The following ARHGAP18 variants were observed in gnomAD, a reference collection of about 807,000 sequenced individuals.
The protein encoded by ARHGAP18 is Rho GTPase activating protein 18, also known as rho GTPase-activating protein 18.
A neutral mutation model predicts 86.2 loss-of-function variants in ARHGAP18; 67 were observed. That is an observed-to-expected ratio of 0.78 (90% confidence interval 0.64 to 0.95). The LOEUF (loss-of-function observed/expected upper bound fraction) is 0.95, where lower values mean the gene tolerates loss of function less well. Among genes scored for constraint, ARHGAP18 ranks in the 40% least tolerant of loss-of-function variants. The pLI, the probability that ARHGAP18 is intolerant of heterozygous loss-of-function variation, is 0.00. For synonymous variants in ARHGAP18, 283 were observed against 280.4 expected, an observed-to-expected ratio of 1.01 and a Z score of -0.09; for missense variants, 691 against 780.4, an observed-to-expected ratio of 0.89 and a Z score of 1.37.
chr6:129,701,543 G>A (rs1366838716), intron 1 of ARHGAP18, among the ~76,000 whole-genome samples: 1 of 152,196 alleles, frequency 6.6e-6, no homozygotes, highest in Non-Finnish European at 1.5e-5. Context: ...AGGCTGAGGT[G>A]GGCAGATCGT....
In ARHGAP18 at chr6:129,577,694, G is replaced by A. The variant is rs1788206528; in HGVS notation, c.*819C>T. On this transcript the variant is annotated 3_prime_UTR_variant, in exon 15 of 15. Coordinates refer to ENST00000368149, the MANE Select transcript of ARHGAP18 (RefSeq NM_033515.3). Reference sequence around the variant, plus strand: ...AATGACAACACGTAAAGCCAGCTATGACTTTTAAAATTCCATTTAGAAGAG... The same window carrying A: ...AATGACAACACGTAAAGCCAGCTATAACTTTTAAAATTCCATTTAGAAGAG... 1 of 152,126 alleles carries A rather than the reference G, an allele frequency of 6.6e-6. No homozygotes were observed. The highest frequency in any genetic ancestry group is 2.1e-4 in the South Asian group (1 of 4,832). The allele number at this position is 152,126 out of a possible 1,614,324, so 9.4% of individuals were successfully genotyped here. A position where few individuals can be genotyped will look rare whatever the true frequency, so the allele number is the denominator to read the frequency against.
intron 1 of ARHGAP18, among the ~76,000 whole-genome samples, chr6:129,698,872 T>C (rs1774665927): frequency 6.6e-6 from 1 of 152,146 alleles, no homozygotes; most frequent in South Asian, 2.1e-4. Flanking sequence ...TTTTTATTTT[T>C]AGTAGAGACG....
chr6:129,625,531 AC>A (rs1789397274), intron 5 of ARHGAP18, among the ~76,000 whole-genome samples: 2 of 48,836 alleles, frequency 4.1e-5, no homozygotes, highest in Non-Finnish European at 7.5e-5. Flanking sequence ...TTATAACTAT[AC>A]ATTATATATT....
At position 129,618,700 on chromosome 6, in the gene ARHGAP18, T is replaced by C. The variant is rs1357011543; in HGVS notation, c.939A>G (p.Lys313=). 8 of 1,604,800 alleles carry C rather than the reference T, an allele frequency of 5.0e-6. No individual in the cohort carries two copies. Among genetic ancestry groups the C allele is most frequent in the Non-Finnish European group, 6.0e-6 (7 of 1,175,864 alleles). ...GIELKQQKAV[K]IKTKDSGLFC... is the part of the protein sequence containing the mutation. ...TTTCATGATTACCTTTTGTTTTGAT[T>C]TTCACAGCTTTTTGTTGTTTCAGCT... The change falls in exon 6 of 15, where the codon AAA becomes AAG. Residue 313 remains lysine, a synonymous_variant. Coordinates refer to ENST00000368149, the MANE Select transcript of ARHGAP18 (RefSeq NM_033515.3).
In ARHGAP18 at chr6:129,625,635, TTATATTATATATTTA is replaced by T. The variant is rs1789410312; in HGVS notation, c.786+3703_786+3717del. Among the ~76,000 whole-genome samples the T allele has an allele frequency of 9.1e-5, 3 of 32,792 alleles. 1 individual carries two copies. The highest frequency in any genetic ancestry group is 1.9e-3 in the South Asian group (2 of 1,056). 21.5% of individuals were successfully genotyped at this position (32,792 alleles called of 152,430 possible). On this transcript the variant is annotated intron_variant, in intron 5 of 14. Transcript: ENST00000368149. ...TTATATATTTATATATTATATATAT[TTATATTATATATTTA>T]TATATTATATATATTTATATTATAT...
intron 1 of ARHGAP18, among the ~76,000 whole-genome samples, chr6:129,676,915 C>CTTTTTTTTTTTTTTTTTTT (rs10688716): frequency 4.7e-4 from 18 of 37,996 alleles, no homozygotes; most frequent in East Asian, 1.6e-3. Flanking sequence ...TTTTTGTCCT[C>CTTTTTTTTTTTTTTTTTTT]TTTTTTTTTT....
intron 1 of ARHGAP18, among the ~76,000 whole-genome samples, chr6:129,645,005 TTGTC>T (rs1025941730): frequency 2.0e-5 from 3 of 152,104 alleles, no homozygotes; most frequent in Admixed American, 2.0e-4. Flanking sequence ...TCTTTTTCTT[TTGTC>T]TGTATTTTTT....
chr6:129,618,644 C>G, intron 6 of ARHGAP18, 43 bp downstream of exon 6: 2 of 1,532,248 alleles, frequency 1.3e-6, no homozygotes, highest in Non-Finnish European at 1.8e-6. Context: ...TCCATCCTTG[C>G]TATTTTAGAA....
At chr6:129,608,414 A>T (rs1788903414) in intron 8 of ARHGAP18, among the ~76,000 whole-genome samples, 1 of 152,190 alleles carries the variant, frequency 6.6e-6, no homozygotes, top group Non-Finnish European at 1.5e-5. Context: ...AAATTAAGAA[A>T]AAAATCATTA....
rs1788803269 is a variant in ARHGAP18, at chr6:129,604,079, T to C, written c.1365+1798A>G. On this transcript the variant is annotated intron_variant, in intron 10 of 14. Transcript: ENST00000368149. The stretch of plus-strand genomic sequence containing the variant: ...TGCACATATGGCATTCTTGTTCAAA[T>C]GTTCTATTATTAAAGTTCTAGTTTG... 2.0e-5 allele frequency among the ~76,000 whole-genome samples: 3 copies of C among 152,306 alleles called. No homozygotes were observed. The South Asian group carries it at 6.2e-4, about 32-fold the overall frequency.
chr6:129,598,770 T>C (rs1055326577), intron 12 of ARHGAP18: 2 of 152,216 alleles, frequency 1.3e-5, no homozygotes, highest in African/African-American at 4.8e-5. Flanking sequence ...AACACAAACA[T>C]TAACCTATTT....
At chr6:129,587,805 T>A (rs1788427983) in intron 12 of ARHGAP18, among the ~76,000 whole-genome samples, 1 of 152,142 alleles carries the variant, frequency 6.6e-6, no homozygotes, top group Non-Finnish European at 1.5e-5. Context: ...AGCCAAACCA[T>A]ATCATTCCAT....
chr6:129,580,181 A>G, intron 13 of ARHGAP18, 50 bp from the exon 14 acceptor site: 1 of 1,513,092 alleles, frequency 6.6e-7, no homozygotes, highest in Non-Finnish European at 9.2e-7. Context: ...ACAGCTTGCA[A>G]GTAAATCACT....
At chr6:129,648,181 T>C (rs1337809926) in intron 1 of ARHGAP18, among the ~76,000 whole-genome samples, 3 of 152,036 alleles carry the variant, frequency 2.0e-5, no homozygotes, top group Non-Finnish European at 4.4e-5. Flanking sequence ...TCAATTTTTT[T>C]GGTTTTTTGA....
chr6:129,708,101 AAAC>A (rs1219639487), intron 1 of ARHGAP18, among the ~76,000 whole-genome samples: 18 of 152,162 alleles, frequency 1.2e-4, no homozygotes, highest in Non-Finnish European at 1.6e-4. Flanking sequence ...GTATCTCCCA[AAAC>A]AACAACAAGT....
chr6:129,676,628 T>C (rs1291342315), intron 1 of ARHGAP18, among the ~76,000 whole-genome samples: 1 of 152,114 alleles, frequency 6.6e-6, no homozygotes, highest in Admixed American at 6.5e-5. Flanking sequence ...ACAATAATAC[T>C]CTTTAAAGCG....
intron 1 of ARHGAP18, among the ~76,000 whole-genome samples, chr6:129,644,009 G>A (rs778597344): frequency 6.6e-6 from 1 of 152,128 alleles, no homozygotes; most frequent in Non-Finnish European, 1.5e-5. Context: ...GATTCTTCCT[G>A]CCTTGATTAC....
intron 12 of ARHGAP18, among the ~76,000 whole-genome samples, chr6:129,588,210 T>C (rs1048113678): frequency 1.3e-5 from 2 of 151,728 alleles, no homozygotes; most frequent in African/African-American, 2.4e-5. Context: ...CTCTGCCTCC[T>C]GGGTTCAAGC....
intron 5 of ARHGAP18, among the ~76,000 whole-genome samples, chr6:129,622,317 C>T (rs1789246580): frequency 2.0e-5 from 3 of 152,156 alleles, no homozygotes; most frequent in African/African-American, 7.2e-5. Context: ...TTTCTGAATG[C>T]TGAACCAACC....
Sources: gnomAD v4.1 joint callset for allele counts (sites outside exome capture counted in the v4.1 genomes callset) on GRCh38, gnomAD v4.1.1 for gene constraint, MANE v1.5 for transcripts, NCBI Gene and HGNC (gene_info 2026-07-23, HGNC 2026-07-21) for gene names.